The following C14orf39 variants were observed in gnomAD, a reference collection of about 807,000 sequenced individuals.
C14orf39 encodes protein SIX6OS1.
Under a neutral mutation model 85.6 loss-of-function variants are expected in C14orf39, and 66 were observed. That is an observed-to-expected ratio of 0.77 (90% CI 0.63 to 0.95). The LOEUF is 0.95. C14orf39 is among the 40% of genes least tolerant of loss of function. The pLI is 0.00. For synonymous variants in C14orf39, 242 were observed against 214.0 expected, an observed-to-expected ratio of 1.13 and a Z score of -1.14; for missense variants, 735 against 663.9, an observed-to-expected ratio of 1.11 and a Z score of -1.18.
At chr14:60,455,338 G>T (rs942321872) in intron 15 of C14orf39, among the ~76,000 whole-genome samples, 193 bp from the exon 16 acceptor site, 2 of 151,848 alleles carry the variant, frequency 1.3e-5, no homozygotes, top group Admixed American at 6.6e-5. Flanking sequence ...GTTAAATAAG[G>T]CATAACTTAC....
At chr14:60,502,874 G>C (rs928686309) in intron 1 of C14orf39, among the ~76,000 whole-genome samples, 2 of 152,120 alleles carry the variant, frequency 1.3e-5, no homozygotes, top group East Asian at 3.8e-4. Context: ...AAACAAAATT[G>C]GTTTCAAAAA....
Position 60,498,291 on chromosome 14 carries a change from T to G in C14orf39, c.-9+1005A>C, listed in dbSNP as rs151126762. The stretch of plus-strand genomic sequence containing the variant: ...CTTGGGCTCCCTTACTAATGTTGAA[T>G]GAGCTAACATAATTTCCAAACTCTA... On this transcript the variant is annotated intron_variant, in intron 2 of 5. Transcript: ENST00000556799. Among the ~76,000 whole-genome samples the G allele has an allele frequency of 4.1e-4, 62 of 152,372 alleles. 1 individual carries two copies. The East Asian group carries it at 7.7e-3, about 19-fold the overall frequency.
At position 60,457,014 on chromosome 14, in the gene C14orf39, T is replaced by A; in HGVS notation, c.1261A>T (p.Thr421Ser). ...VEERAENFPR[T>S]SEIPIFLGTP... is the part of the protein sequence containing the mutation. ...CCTAAAAATATAGGAATTTCAGACG[T>A]TCGTGGAAAATTCTCAGCTCTCTCT... The change falls in exon 15 of 18, where the codon ACG becomes TCG. Residue 421 changes from threonine (T) to serine (S), a missense_variant. By Grantham distance (58) the Thr-to-Ser change is moderately conservative. Transcript: ENST00000321731. The A allele has an allele frequency of 1.9e-6, 3 of 1,611,246 alleles. No homozygotes were observed. The highest frequency in any genetic ancestry group is 2.5e-6 in the Non-Finnish European group (3 of 1,178,444).
intron 2 of C14orf39, among the ~76,000 whole-genome samples, chr14:60,497,829 G>T (rs1488780460): frequency 6.6e-6 from 1 of 151,680 alleles, no homozygotes; most frequent in Non-Finnish European, 1.5e-5. Flanking sequence ...ATGCAGTGAG[G>T]CAAGTTCGCA....
At chr14:60,482,203 G>T (rs899028576) in intron 4 of C14orf39, among the ~76,000 whole-genome samples, 13 of 152,106 alleles carry the variant, frequency 8.5e-5, no homozygotes. Flanking sequence ...TCTAGGACAC[G>T]GTAGGTTCTA....
intron 15 of C14orf39, 79 bp downstream of exon 15, chr14:60,456,838 G>A: frequency 1.6e-6 from 2 of 1,262,342 alleles, no homozygotes; most frequent in Non-Finnish European, 2.2e-6. Context: ...AAGGTACTAA[G>A]CATTTTACTA....
Position 60,492,650 on chromosome 14 carries a change from G to T in C14orf39, c.-9+6646C>A, listed in dbSNP as rs559719591. 3.9e-4 allele frequency among the ~76,000 whole-genome samples: 59 copies of T among 152,016 alleles called. 1 individual carries two copies. The South Asian group carries it at 5.4e-3, about 14-fold the overall frequency. On this transcript the variant is annotated intron_variant, in intron 2 of 5. Transcript: ENST00000556799. ...AATAAAAAATTAGCTGTGTGTGCTGGTATGTGCCTGTAGTCCCAGCTACTC... is the reference window on the plus strand; with the variant it reads ...AATAAAAAATTAGCTGTGTGTGCTGTTATGTGCCTGTAGTCCCAGCTACTC...
chr14:60,510,645 C>T (rs976509271), intron 1 of C14orf39, among the ~76,000 whole-genome samples: 1 of 152,192 alleles, frequency 6.6e-6, no homozygotes, highest in Non-Finnish European at 1.5e-5. Flanking sequence ...CGGGCCGACC[C>T]GATCCAACGC....
At position 60,469,567 on chromosome 14, in the gene C14orf39, T is replaced by A. The variant is rs766235367; in HGVS notation, c.641A>T (p.Asp214Val). The A allele has an allele frequency of 7.6e-5, 115 of 1,510,744 alleles. No individual in the cohort carries two copies. The highest frequency in any genetic ancestry group is 8.9e-7 in the Non-Finnish European group (1 of 1,120,524). 93.6% of individuals were successfully genotyped at this position (1,510,744 alleles called of 1,614,324 possible). A position where few individuals can be genotyped will look rare whatever the true frequency, so the allele number is the denominator to read the frequency against. The change falls in exon 8 of 18, where the codon GAT (aspartate) becomes GTT (valine). Residue 214 changes from aspartate to valine, a missense_variant. Physicochemically the swap from Asp to Val is radical, Grantham distance 152. Transcript: ENST00000321731. The stretch of plus-strand genomic sequence containing the variant: ...ATAATTAATTTCTATTTCCATTTCA[T>A]CTACTTCTTTCTTCAATTCGGATGA... ...KSSSELKKEV[D>V]EMEIEINYLN...
At chr14:60,463,767 T>C (rs1422805903) in intron 11 of C14orf39, among the ~76,000 whole-genome samples, 1 of 152,146 alleles carries the variant, frequency 6.6e-6, no homozygotes, top group East Asian at 1.9e-4. Context: ...TGTTGAGATA[T>C]ACTTTTTATT....
chr14:60,512,471 T>C (rs1041647543), intron 1 of C14orf39: 5 of 152,172 alleles, frequency 3.3e-5, no homozygotes, highest in Non-Finnish European at 7.4e-5. Context: ...CAGAATTTGG[T>C]TTTAATCAAA....
intron 5 of C14orf39, among the ~76,000 whole-genome samples, chr14:60,472,151 G>A (rs1303882039): frequency 1.3e-5 from 2 of 151,944 alleles, no homozygotes; most frequent in African/African-American, 4.8e-5. Flanking sequence ...ACTCTCCCAA[G>A]CTCAGCTACT....
chr14:60,495,451 G>A (rs1893056533), intron 2 of C14orf39: 1 of 169,910 alleles, frequency 5.9e-6, no homozygotes, highest in African/African-American at 2.4e-5. Context: ...AGTACCCGAA[G>A]GGAGATTTTG....
At position 60,472,944 on chromosome 14, in the gene C14orf39, G is replaced by A. The variant is rs187371053; in HGVS notation, c.324-1205C>T. Among the ~76,000 whole-genome samples the A allele has an allele frequency of 6.6e-5, 10 of 152,228 alleles. No homozygotes were observed. The South Asian group carries it at 8.3e-4, about 13-fold the overall frequency. On this transcript the variant is annotated intron_variant, in intron 5 of 17. Transcript: ENST00000321731. Reference sequence around the variant, plus strand: ...CAGTAATGGGATGGCTGGGTCAAACGGTAATTCTAGTTCTAGATCCCTGAG... The same window carrying A: ...CAGTAATGGGATGGCTGGGTCAAACAGTAATTCTAGTTCTAGATCCCTGAG...
chr14:60,495,072 G>C (rs1349417451), intron 2 of C14orf39: 1 of 233,544 alleles, frequency 4.3e-6, no homozygotes. Context: ...TGTTGGACTG[G>C]TGAACCCCAA....
At chr14:60,489,508 T>G (rs1892953719), upstream of C14orf39, among the ~76,000 whole-genome samples, 1 of 152,220 alleles carries the variant, frequency 6.6e-6, no homozygotes, top group African/African-American at 2.4e-5. Flanking sequence ...GGAATGAAAC[T>G]TCTTCAAATT....
At chr14:60,441,703 GGAAAAAT>G (rs1344992403) in intron 17 of C14orf39, among the ~76,000 whole-genome samples, 15 of 151,216 alleles carry the variant, frequency 9.9e-5, no homozygotes, top group Non-Finnish European at 1.3e-4. Context: ...ATCAATCAAA[GGAAAAAT>G]GAAGAAAGAA....
chr14:60,440,194 C>G (rs561821983), intron 17 of C14orf39, among the ~76,000 whole-genome samples: 1 of 152,344 alleles, frequency 6.6e-6, no homozygotes, highest in Admixed American at 6.5e-5. Context: ...ATTCCAAAAT[C>G]TGTGTCTCCA....
chr14:60,513,189 C>A (rs567001207), intron 1 of C14orf39, among the ~76,000 whole-genome samples: 2 of 152,310 alleles, frequency 1.3e-5, no homozygotes, highest in East Asian at 3.9e-4. Flanking sequence ...CTCTCTTGCA[C>A]AAGAGCTTTA....
Sources: gnomAD v4.1 joint callset for allele counts (sites outside exome capture counted in the v4.1 genomes callset) on GRCh38, gnomAD v4.1.1 for gene constraint, MANE v1.5 for transcripts, NCBI Gene and HGNC (gene_info 2026-07-23, HGNC 2026-07-21) for gene names.